SNX9: variants seen among roughly 807,000 people sequenced by gnomAD.
SNX9 encodes the protein sorting nexin 9.
Under a neutral mutation model 89.4 loss-of-function variants are expected in SNX9, and 44 were observed. The ratio of observed to expected loss-of-function variants is 0.49; its 90% CI spans 0.39 to 0.63. The LOEUF is 0.63. Among genes scored for constraint, SNX9 ranks in the 30% least tolerant of loss-of-function variants. SNX9 has a pLI of 0.00. For missense variants in SNX9, 578 were observed against 736.1 expected (o/e 0.79, Z 2.49); for synonymous variants, 236 against 247.8 (o/e 0.95, Z 0.45).
Position 157,823,918 on chromosome 6 carries a change from G to A in SNX9, c.12+472G>A, listed in dbSNP as rs1772984522. On this transcript the variant is annotated intron_variant, in intron 1 of 17. Coordinates refer to ENST00000392185, the MANE Select transcript of SNX9 (RefSeq NM_016224.5). This position sits in a 1 kb window ranked among gnomAD's most constrained non-coding sequence, Gnocchi z 4.6. ...GTGGGGGTCGAGACCTCGGCGGAGA[G>A]GACGCGGCGCTTCCCGTCCCGGCCT... Among the ~76,000 whole-genome samples the A allele has an allele frequency of 1.3e-5, 2 of 152,102 alleles. No individual in the cohort carries two copies. Among genetic ancestry groups the A allele is most frequent in the Non-Finnish European group, 2.9e-5 (2 of 68,004 alleles).
At chr6:157,858,785 C>T (rs1782063235) in intron 1 of SNX9, among the ~76,000 whole-genome samples, 1 of 152,188 alleles carries the variant, frequency 6.6e-6, no homozygotes, top group Non-Finnish European at 1.5e-5. Flanking sequence ...TACATGGCAG[C>T]AGGCAAGAGA....
chr6:157,845,372 A>G (rs1781788488), intron 1 of SNX9, among the ~76,000 whole-genome samples: 1 of 151,912 alleles, frequency 6.6e-6, no homozygotes, highest in African/African-American at 2.4e-5. Context: ...TGGCCTCCCA[A>G]AGTGCTGGGA....
chr6:157,908,174 C>A (rs1783257814), intron 7 of SNX9, among the ~76,000 whole-genome samples: 1 of 152,030 alleles, frequency 6.6e-6, no homozygotes, highest in South Asian at 2.1e-4. Flanking sequence ...TCAGCCGAAA[C>A]AAATCTCTCT....
At chr6:157,845,747 C>T (rs957800352) in intron 1 of SNX9, among the ~76,000 whole-genome samples, 2 of 152,138 alleles carry the variant, frequency 1.3e-5, no homozygotes, top group Non-Finnish European at 2.9e-5. Context: ...GATACTCTCC[C>T]ATTAGTCATA....
chr6:157,847,729 T>A (rs138855966), intron 1 of SNX9, among the ~76,000 whole-genome samples: 1 of 152,112 alleles, frequency 6.6e-6, no homozygotes, highest in African/African-American at 2.4e-5. Context: ...GTTTTAGTAG[T>A]GCTAAAATCC....
At chr6:157,938,800 C>A in intron 16 of SNX9, 53 bp downstream of exon 16, 2 of 1,350,100 alleles carry the variant, frequency 1.5e-6, no homozygotes, top group Non-Finnish European at 2.1e-6. Flanking sequence ...TTTTCCCCAG[C>A]AAAGTTTCCC....
chr6:157,826,846 T>TATAAATATACATTATAG lies in SNX9; in HGVS notation c.12+3400_12+3401insATAAATATACATTATAG, dbSNP rs1562585965. 7.9e-4 allele frequency among the ~76,000 whole-genome samples: 58 copies of TATAAATATACATTATAG among 73,294 alleles called. 10 individuals are homozygous for TATAAATATACATTATAG. Among genetic ancestry groups the TATAAATATACATTATAG allele is most frequent in the African/African-American group, 4.7e-3 (57 of 12,078 alleles). 48.1% of individuals were successfully genotyped at this position (73,294 alleles called of 152,430 possible). On this transcript the variant is annotated intron_variant, in intron 1 of 17. Transcript: ENST00000392185. ...TATTATATTTTATATATATATTATA[T>TATAAATATACATTATAG]TTTATATATAAATATATATTATAGT...
intron 17 of SNX9, among the ~76,000 whole-genome samples, chr6:157,941,927 G>T (rs922239163): frequency 1.4e-4 from 21 of 152,206 alleles, no homozygotes; most frequent in African/African-American, 3.1e-4. Flanking sequence ...CCGTCAGTTG[G>T]TGCCATTGTG....
intron 1 of SNX9, among the ~76,000 whole-genome samples, chr6:157,836,299 G>A (rs760217762): frequency 2.0e-5 from 3 of 152,240 alleles, no homozygotes; most frequent in Non-Finnish European, 4.4e-5. Flanking sequence ...GTGATAGATA[G>A]TGATTCTCTA....
At chr6:157,860,245 A>T (rs1020631137) in intron 1 of SNX9, among the ~76,000 whole-genome samples, 5 of 152,004 alleles carry the variant, frequency 3.3e-5, no homozygotes, top group Non-Finnish European at 7.4e-5. Context: ...TAAAAAAATT[A>T]AAAAATAAAA....
At chr6:157,887,605 C>T (rs898231332) in intron 4 of SNX9, among the ~76,000 whole-genome samples, 2 of 152,132 alleles carry the variant, frequency 1.3e-5, no homozygotes, top group African/African-American at 2.4e-5. Flanking sequence ...GTCTGTCTCC[C>T]GTATCTCAGG....
At chr6:157,836,933 G>T (rs183152058) in intron 1 of SNX9, among the ~76,000 whole-genome samples, 2 of 152,290 alleles carry the variant, frequency 1.3e-5, no homozygotes, top group Admixed American at 1.3e-4. Context: ...TGCTGATGCT[G>T]CTGGTCTAGG....
intron 7 of SNX9, 132 bp from the exon 8 acceptor site, chr6:157,909,533 C>A: frequency 9.4e-7 from 1 of 1,062,352 alleles, no homozygotes; most frequent in Non-Finnish European, 1.4e-6. Flanking sequence ...ATTTATGTAC[C>A]TTTCAAAGAG....
At chr6:157,899,624 A>T (rs993788001) in intron 5 of SNX9, among the ~76,000 whole-genome samples, 1 of 152,104 alleles carries the variant, frequency 6.6e-6, no homozygotes, top group Non-Finnish European at 1.5e-5. Flanking sequence ...TAGAAAAAAA[A>T]TTAGCCGGGT....
At position 157,944,395 on chromosome 6, in the gene SNX9, CT is replaced by C. The variant is rs1784101867; in HGVS notation, c.*1558del. The C allele has an allele frequency of 6.6e-6, 1 of 152,610 alleles. No individual in the cohort carries two copies. The highest frequency in any genetic ancestry group is 2.1e-4 in the South Asian group (1 of 4,818). 9.5% of individuals were successfully genotyped at this position (152,610 alleles called of 1,614,324 possible). A position where few individuals can be genotyped will look rare whatever the true frequency, so the allele number is the denominator to read the frequency against. On this transcript the variant is annotated 3_prime_UTR_variant, in exon 18 of 18. Coordinates refer to ENST00000392185, the MANE Select transcript of SNX9 (RefSeq NM_016224.5). Reference sequence around the variant, plus strand: ...AAAATCCCATAGAACAATGTTTATGCTATAGCCATTTAATATATGTACAAAT... The same window carrying C: ...AAAATCCCATAGAACAATGTTTATGCATAGCCATTTAATATATGTACAAAT...
intron 17 of SNX9, 49 bp from the exon 18 acceptor site, chr6:157,942,742 C>T (rs1784067527): frequency 5.0e-6 from 8 of 1,588,384 alleles, no homozygotes; most frequent in Non-Finnish European, 6.0e-6. Flanking sequence ...ACTGTGAGGT[C>T]GTAATGGGAG....
At position 157,937,506 on chromosome 6, in the gene SNX9, A is replaced by G. The variant is rs367901061; in HGVS notation, c.1516A>G (p.Ile506Val). The change falls in exon 15 of 18, where the codon ATC becomes GTC. Residue 506 changes from isoleucine (I) to valine (V), a missense_variant. Coordinates refer to ENST00000392185, the MANE Select transcript of SNX9 (RefSeq NM_016224.5). ...AGGTTTTCTTGGCTGCTTCCCTGAC[A>G]TCATTGGCACTCACAAGGTAACCTG... is the stretch of plus-strand genomic sequence containing the variant. Reference protein sequence around the residue: ...YKGFLGCFPDIIGTHKGAIEK... With the variant: ...YKGFLGCFPDVIGTHKGAIEK... 7 of 1,613,566 alleles carry G rather than the reference A, an allele frequency of 4.3e-6. No individual in the cohort carries two copies. The highest frequency in any genetic ancestry group is 5.9e-6 in the Non-Finnish European group (7 of 1,179,656).
At chr6:157,873,028 C>G (rs1008441502) in intron 2 of SNX9, 74 bp from the exon 3 acceptor site, 1 of 1,234,014 alleles carries the variant, frequency 8.1e-7, no homozygotes, top group African/African-American at 1.5e-5. Context: ...ATAACAATTC[C>G]TCCACACAAA....
intron 4 of SNX9, among the ~76,000 whole-genome samples, chr6:157,889,602 A>T (rs1583218976): frequency 2.0e-5 from 3 of 152,326 alleles, no homozygotes; most frequent in African/African-American, 7.2e-5. Flanking sequence ...GTTGACCTTT[A>T]CAGTAAAAAT....
Sources: gnomAD v4.1 joint callset for allele counts (sites outside exome capture counted in the v4.1 genomes callset) on GRCh38, gnomAD v4.1.1 for gene constraint, Gnocchi (gnomAD v3.1) non-coding constraint, MANE v1.5 for transcripts, NCBI Gene and HGNC (gene_info 2026-07-23, HGNC 2026-07-21) for gene names.